SLC6A11: variants seen among roughly 807,000 people sequenced by gnomAD.
The protein encoded by SLC6A11 is sodium- and chloride-dependent GABA transporter 3.
Under a neutral mutation model 74.8 loss-of-function variants are expected in SLC6A11, and 25 were observed. That is an observed-to-expected ratio of 0.33 (90% CI 0.24 to 0.47). The LOEUF is 0.47. Ranked by LOEUF, SLC6A11 falls within the 20% of genes least tolerant of loss-of-function variation. SLC6A11 has a pLI of 1.00. For missense variants in SLC6A11, 574 were observed against 837.0 expected, an observed-to-expected ratio of 0.69 and a Z score of 3.88; for synonymous variants, 330 against 330.2, an observed-to-expected ratio of 1.00 and a Z score of 0.01.
In SLC6A11 at chr3:10,816,647, C is replaced by G; in HGVS notation, c.256+126C>G. The G allele has an allele frequency of 9.8e-7, 1 of 1,020,766 alleles. No individual in the cohort carries two copies. Among genetic ancestry groups the G allele is most frequent in the Non-Finnish European group, 1.4e-6 (1 of 734,444 alleles). 63.2% of individuals were successfully genotyped at this position (1,020,766 alleles called of 1,614,324 possible). On this transcript the variant is annotated intron_variant, in intron 1 of 13. Transcript: ENST00000254488. The surrounding 1 kb of genome is among the most constrained non-coding windows in gnomAD (Gnocchi z 4.2). ...GGAACCCGAGCGGAGAACCTCGACT[C>G]CAGGCACCTCGCGTGTGAGCTCGCC...
chr3:10,904,822 C>G (rs1391792654), intron 6 of SLC6A11, among the ~76,000 whole-genome samples: 1 of 152,200 alleles, frequency 6.6e-6, no homozygotes, highest in Non-Finnish European at 1.5e-5. Flanking sequence ...TAGGTTCAAA[C>G]CCGACTCTCT....
intron 13 of SLC6A11, 113 bp from the exon 14 acceptor site, chr3:10,938,137 T>G (rs1324594353): frequency 9.5e-7 from 1 of 1,049,014 alleles, no homozygotes; most frequent in African/African-American, 1.6e-5. Context: ...CGGACCTTGG[T>G]CTGAGAATTC....
At chr3:10,839,497 C>G (rs761071577) in intron 4 of SLC6A11, among the ~76,000 whole-genome samples, 1 of 152,118 alleles carries the variant, frequency 6.6e-6, no homozygotes, top group East Asian at 1.9e-4. Context: ...GGATACCCCT[C>G]CTTGGGTTGC....
At chr3:10,921,275 G>C (rs1478951596) in intron 8 of SLC6A11, among the ~76,000 whole-genome samples, 1 of 152,224 alleles carries the variant, frequency 6.6e-6, no homozygotes, top group Non-Finnish European at 1.5e-5. Flanking sequence ...CTTAACTGGA[G>C]TATGTGGTCC....
intron 5 of SLC6A11, 123 bp from the exon 6 acceptor site, chr3:10,874,838 A>G: frequency 2.2e-6 from 2 of 920,664 alleles, no homozygotes; most frequent in African/African-American, 1.7e-5. Context: ...ACGCGGGGGA[A>G]TGCTGGTCAG....
At chr3:10,855,626 C>G (rs112736769) in intron 5 of SLC6A11, among the ~76,000 whole-genome samples, 139 of 152,296 alleles carry the variant, frequency 9.1e-4, no homozygotes, top group African/African-American at 3.1e-3. Context: ...TGTACCATGT[C>G]CTGTGCCAGG....
At chr3:10,894,674 A>G (rs1695149173) in intron 6 of SLC6A11, among the ~76,000 whole-genome samples, 1 of 152,332 alleles carries the variant, frequency 6.6e-6, no homozygotes, top group East Asian at 1.9e-4. Flanking sequence ...GTCAAAGGAT[A>G]TAAGATGTCA....
At chr3:10,874,891 A>G in intron 5 of SLC6A11, 70 bp from the exon 6 acceptor site, 1 of 1,475,908 alleles carries the variant, frequency 6.8e-7, no homozygotes, top group Non-Finnish European at 9.2e-7. Context: ...CCCAAAGGAC[A>G]TTGTGCTGAG....
chr3:10,904,359 C>T (rs983241406), intron 6 of SLC6A11, among the ~76,000 whole-genome samples: 3 of 152,142 alleles, frequency 2.0e-5, no homozygotes, highest in Admixed American at 2.0e-4. Flanking sequence ...GTGAGGTTGC[C>T]CCAGAGCTGG....
chr3:10,892,791 A>G (rs1695123191), intron 6 of SLC6A11, among the ~76,000 whole-genome samples: 1 of 152,172 alleles, frequency 6.6e-6, no homozygotes, highest in Non-Finnish European at 1.5e-5. Flanking sequence ...AGATTTTTAT[A>G]TCATAAATCA....
Position 10,834,007 on chromosome 3 carries a change from T to G in SLC6A11, c.624-10207T>G, listed in dbSNP as rs57995049. Among the ~76,000 whole-genome samples the G allele has an allele frequency of 6.6e-3, 1,001 of 152,364 alleles. 10 individuals are homozygous for G. The highest frequency in any genetic ancestry group is 0.023 in the African/African-American group (960 of 41,584). On this transcript the variant is annotated intron_variant, in intron 4 of 13. Coordinates refer to ENST00000254488, the MANE Select transcript of SLC6A11 (RefSeq NM_014229.3). ...ACATTTGGTTACTAAGCACCTACTGTATACCCTGGCCCTGCACAGGGCCCT... is the reference window on the plus strand; with the variant it reads ...ACATTTGGTTACTAAGCACCTACTGGATACCCTGGCCCTGCACAGGGCCCT...
intron 4 of SLC6A11, among the ~76,000 whole-genome samples, chr3:10,828,311 C>A (rs1694244240): frequency 6.6e-6 from 1 of 152,202 alleles, no homozygotes; most frequent in South Asian, 2.1e-4. Context: ...GTGCCGGGCC[C>A]AAATTAAGCT....
chr3:10,842,546 C>T (rs188724389), intron 4 of SLC6A11, among the ~76,000 whole-genome samples: 61 of 152,332 alleles, frequency 4.0e-4, no homozygotes, highest in African/African-American at 1.3e-3. Context: ...ACTGCTAAGA[C>T]ATAGGAAGCA....
intron 7 of SLC6A11, among the ~76,000 whole-genome samples, chr3:10,912,458 G>A (rs73812335): frequency 0.013 from 1,916 of 152,272 alleles, 39 homozygotes; most frequent in African/African-American, 0.044. Flanking sequence ...GTGCCACCTC[G>A]TATGGTAAAG....
At chr3:10,928,156 G>A (rs1412446674) in intron 9 of SLC6A11, among the ~76,000 whole-genome samples, 1 of 152,160 alleles carries the variant, frequency 6.6e-6, no homozygotes, top group East Asian at 1.9e-4. Flanking sequence ...GCACATCGCA[G>A]GTATGATATG....
intron 4 of SLC6A11, 199 bp downstream of exon 4, chr3:10,823,591 G>C: frequency 1.8e-6 from 1 of 542,798 alleles, no homozygotes. Context: ...TGAGAGAAAT[G>C]TTTTCTTGTT....
intron 6 of SLC6A11, among the ~76,000 whole-genome samples, chr3:10,909,133 C>A (rs1178834540): frequency 7.1e-6 from 1 of 140,268 alleles, no homozygotes; most frequent in Admixed American, 7.5e-5. Context: ...AAAAAAGTGT[C>A]CCATTGACTT....
intron 6 of SLC6A11, among the ~76,000 whole-genome samples, chr3:10,903,365 C>T (rs1333733038): frequency 2.0e-5 from 3 of 152,170 alleles, no homozygotes; most frequent in Non-Finnish European, 4.4e-5. Flanking sequence ...CATGGGTAGG[C>T]GGGACCCTGG....
intron 11 of SLC6A11, among the ~76,000 whole-genome samples, chr3:10,933,635 A>C (rs774562524): frequency 5.7e-4 from 87 of 152,138 alleles, no homozygotes; most frequent in Non-Finnish European, 1.9e-4. Flanking sequence ...CCCAAGCCCA[A>C]CAGGTGGGTG....
Sources: gnomAD v4.1 joint callset for allele counts (sites outside exome capture counted in the v4.1 genomes callset) on GRCh38, gnomAD v4.1.1 for gene constraint, Gnocchi (gnomAD v3.1) non-coding constraint, MANE v1.5 for transcripts, NCBI Gene and HGNC (gene_info 2026-07-23, HGNC 2026-07-21) for gene names.